Variants in CSMD2 observed in about 807,000 individuals in gnomAD.
The protein encoded by CSMD2 is CUB and Sushi multiple domains 2.
A neutral mutation model predicts 398.5 loss-of-function variants in CSMD2; 130 were observed. That is an observed-to-expected ratio of 0.33 (90% confidence interval 0.28 to 0.38). CSMD2 has a LOEUF of 0.38. Among genes scored for constraint, CSMD2 ranks in the 10% least tolerant of loss-of-function variants. The pLI, the probability that CSMD2 is intolerant of heterozygous loss-of-function variation, is 1.00. For synonymous variants in CSMD2, 1,828 were observed against 1,908.5 expected, an observed-to-expected ratio of 0.96 and a Z score of 1.10; for missense variants, 3,829 against 4,764.9, an observed-to-expected ratio of 0.80 and a Z score of 5.78.
At chr1:33,726,980 T>C (rs557004289) in intron 15 of CSMD2, among the ~76,000 whole-genome samples, 1 of 152,260 alleles carries the variant, frequency 6.6e-6, no homozygotes, top group African/African-American at 2.4e-5. Flanking sequence ...ACATGGTGTT[T>C]TTCCTTCGTT....
intron 24 of CSMD2, among the ~76,000 whole-genome samples, chr1:33,695,580 T>G (rs1170617162): frequency 6.6e-6 from 1 of 152,244 alleles, no homozygotes; most frequent in Non-Finnish European, 1.5e-5. Context: ...GTATTATTCA[T>G]GTTTGACTCT....
At chr1:34,061,808 C>G (rs891119682) in intron 2 of CSMD2, among the ~76,000 whole-genome samples, 2 of 152,204 alleles carry the variant, frequency 1.3e-5, no homozygotes, top group African/African-American at 4.8e-5. Context: ...TCATCACACA[C>G]AAAGGCACAG....
intron 3 of CSMD2, among the ~76,000 whole-genome samples, chr1:34,023,965 T>TC (rs79404978): frequency 0.11 from 17,012 of 152,206 alleles, 1,493 homozygotes; most frequent in East Asian, 0.38. Context: ...ACGCACTGAC[T>TC]CTTTAATCCT....
At chr1:33,907,964 G>A (rs1047039606) in intron 5 of CSMD2, among the ~76,000 whole-genome samples, 22 of 151,872 alleles carry the variant, frequency 1.4e-4, no homozygotes, top group African/African-American at 5.3e-4. Flanking sequence ...GCATGTGCCT[G>A]TAGTCCTAGC....
intron 15 of CSMD2, among the ~76,000 whole-genome samples, chr1:33,735,951 CTCTG>C (rs1428807015): frequency 3.3e-5 from 5 of 152,202 alleles, no homozygotes; most frequent in African/African-American, 1.2e-4. Flanking sequence ...CTTTAGCCAG[CTCTG>C]TCTAAGGTTT....
At chr1:33,603,021 C>G (rs1640331412) in intron 42 of CSMD2, among the ~76,000 whole-genome samples, 1 of 152,064 alleles carries the variant, frequency 6.6e-6, no homozygotes, top group South Asian at 2.1e-4. Context: ...TGGGGTGAGG[C>G]TAAGGTTGGG....
At chr1:33,591,564 T>C (rs1044767531) in intron 44 of CSMD2, among the ~76,000 whole-genome samples, 2 of 152,230 alleles carry the variant, frequency 1.3e-5, no homozygotes, top group African/African-American at 4.8e-5. Flanking sequence ...TTTTTTGCAC[T>C]GAACAATATA....
intron 3 of CSMD2, among the ~76,000 whole-genome samples, chr1:34,019,321 C>A (rs1049221683): frequency 1.3e-5 from 2 of 152,188 alleles, no homozygotes; most frequent in Admixed American, 6.5e-5. Flanking sequence ...CAACTGGAGA[C>A]CCCAGCACTT....
At chr1:33,862,383 G>GTGTGTGTGTGTGTGTGTGTT (rs1639597029) in intron 5 of CSMD2, 2 of 151,996 alleles carry the variant, frequency 1.3e-5, no homozygotes, top group Non-Finnish European at 2.9e-5. Context: ...GTGTGTGTGT[G>GTGTGTGTGTGTGTGTGTGTT]TGTGTGTGTG....
rs1645141565 is a variant in CSMD2, at chr1:33,955,597, T to C, written c.518-19643A>G. Among the ~76,000 whole-genome samples, 4 of 152,342 alleles carry C rather than the reference T, an allele frequency of 2.6e-5. No individual in the cohort carries two copies. The South Asian group carries it at 8.3e-4, about 32-fold the overall frequency. On this transcript the variant is annotated intron_variant, in intron 3 of 70. Transcript: ENST00000373381. ...TAACGAAAGTCACTCAGCCTCAGTC[T>C]TCTCATCTGTAGAATGAAATGTAGA...
chr1:33,592,420 A>G (rs1639522488), intron 44 of CSMD2: 2 of 716,010 alleles, frequency 2.8e-6, no homozygotes, highest in Non-Finnish European at 5.2e-6. Flanking sequence ...CTCTGGTCCA[A>G]GCTTCTGTGG....
At chr1:33,997,353 G>A (rs1297790144) in intron 3 of CSMD2, among the ~76,000 whole-genome samples, 5 of 152,332 alleles carry the variant, frequency 3.3e-5, no homozygotes, top group East Asian at 1.9e-4. Context: ...GGGTCCCTGC[G>A]GGTGCCTGCG....
intron 2 of CSMD2, among the ~76,000 whole-genome samples, chr1:34,047,726 C>A (rs1652694271): frequency 6.6e-6 from 1 of 152,158 alleles, no homozygotes; most frequent in Non-Finnish European, 1.5e-5. Context: ...CTGAGCTGAT[C>A]TAAAAAGATA....
At chr1:34,117,118 A>G (rs1194193068) in intron 1 of CSMD2, among the ~76,000 whole-genome samples, 2 of 152,124 alleles carry the variant, frequency 1.3e-5, no homozygotes, top group Non-Finnish European at 2.9e-5. Context: ...AGAGTTATCA[A>G]AAGGAACAAA....
intron 5 of CSMD2, among the ~76,000 whole-genome samples, chr1:33,908,518 G>A (rs1643258066): frequency 6.6e-6 from 1 of 152,262 alleles, no homozygotes; most frequent in South Asian, 2.1e-4. Flanking sequence ...CAAACCTGTT[G>A]CATGCAGTCA....
intron 11 of CSMD2, among the ~76,000 whole-genome samples, chr1:33,790,687 CTATCTATCTATCTATCATCT>C (rs1261369047): frequency 7.0e-6 from 1 of 143,292 alleles, no homozygotes; most frequent in African/African-American, 3.0e-5. Flanking sequence ...ATCTATCTAT[CTATCTATCTATCTATCATCT>C]ATCTGTCTAT....
rs923292345 is a variant in CSMD2 at position 33,833,984 on chromosome 1, C to T, written c.1034-8210G>A. Among the ~76,000 whole-genome samples, 44 of 149,484 alleles carry T rather than the reference C, an allele frequency of 2.9e-4. 1 individual carries two copies. Among genetic ancestry groups the T allele is most frequent in the African/African-American group, 1.1e-3 (43 of 40,022 alleles). ...CTTCAAGGAGAACTACAAACCACTG[C>T]TCAATGAAATAAAAGAGGATACAAC... On this transcript the variant is annotated intron_variant, in intron 6 of 70. Coordinates refer to ENST00000373381, the MANE Select transcript of CSMD2 (RefSeq NM_001281956.2).
intron 5 of CSMD2, among the ~76,000 whole-genome samples, chr1:33,849,150 C>T (rs1481293784): frequency 6.6e-6 from 1 of 152,184 alleles, no homozygotes; most frequent in Non-Finnish European, 1.5e-5. Flanking sequence ...TCTCAGGGCC[C>T]TGTGTTGCCC....
intron 3 of CSMD2, among the ~76,000 whole-genome samples, chr1:34,032,330 G>A (rs1258176278): frequency 6.6e-6 from 1 of 152,184 alleles, no homozygotes; most frequent in Non-Finnish European, 1.5e-5. Flanking sequence ...ACAAAACCCA[G>A]TTAAAGGGGA....
Sources: gnomAD v4.1 joint callset for allele counts (sites outside exome capture counted in the v4.1 genomes callset) on GRCh38, gnomAD v4.1.1 for gene constraint, MANE v1.5 for transcripts, NCBI Gene and HGNC (gene_info 2026-07-23, HGNC 2026-07-21) for gene names.